The following ADORA2B variants were observed in gnomAD, a reference collection of about 807,000 sequenced individuals.
The protein encoded by ADORA2B is adenosine A2b receptor.
In ADORA2B, 18 loss-of-function variants were observed where a neutral mutation model predicts 20.8. That is an observed-to-expected ratio of 0.87 (90% confidence interval 0.60 to 1.29). ADORA2B has a LOEUF of 1.29. ADORA2B is among the 50% of genes most tolerant of loss of function. ADORA2B has a pLI of 0.00. For synonymous variants in ADORA2B, 179 were observed against 178.3 expected, an observed-to-expected ratio of 1.00 and a Z score of -0.03; for missense variants, 441 against 422.7, an observed-to-expected ratio of 1.04 and a Z score of -0.38.
At chr17:15,903,278 C>T in the ADORA2B span, among the ~76,000 whole-genome samples, 2 of 152,164 alleles carry the variant, frequency 1.3e-5, no homozygotes, top group Non-Finnish European at 2.9e-5. Flanking sequence ...AGGTTCAAAT[C>T]ATTGGATGGG....
At chr17:15,895,497 C>T in the ADORA2B span, among the ~76,000 whole-genome samples, 2 of 152,038 alleles carry the variant, frequency 1.3e-5, no homozygotes, top group African/African-American at 2.4e-5. Context: ...GAGCCGGGAT[C>T]GGAGAGCAGA....
the ADORA2B span, among the ~76,000 whole-genome samples, chr17:15,917,021 CTCT>C: frequency 6.6e-6 from 1 of 152,238 alleles, no homozygotes; most frequent in Admixed American, 6.5e-5. Flanking sequence ...TTGCTGTGAT[CTCT>C]TAATTGAAAA....
At chr17:15,855,980 C>G in the ADORA2B span, among the ~76,000 whole-genome samples, 4 of 152,160 alleles carry the variant, frequency 2.6e-5, no homozygotes, top group Non-Finnish European at 4.4e-5. Context: ...GCAGCCACCA[C>G]TCTACTCTCT....
chr17:15,950,511 G>A (rs894297510), intron 1 of ADORA2B, among the ~76,000 whole-genome samples: 1 of 152,118 alleles, frequency 6.6e-6, no homozygotes, highest in Non-Finnish European at 1.5e-5. Flanking sequence ...CTCCTGTCAG[G>A]TCACCCATGC....
At chr17:15,861,796 T>C in the ADORA2B span, among the ~76,000 whole-genome samples, 2 of 152,146 alleles carry the variant, frequency 1.3e-5, no homozygotes, top group African/African-American at 2.4e-5. Flanking sequence ...TTCAACTGTT[T>C]CCTCTCTCAT....
the ADORA2B span, among the ~76,000 whole-genome samples, chr17:15,938,248 A>G: frequency 3.3e-5 from 5 of 152,152 alleles, no homozygotes; most frequent in Non-Finnish European, 5.9e-5. Flanking sequence ...GGAAGGAAGG[A>G]AAAGAGATTT....
At chr17:15,942,056 C>T (rs1412922387), upstream of ADORA2B, among the ~76,000 whole-genome samples, 2 of 152,104 alleles carry the variant, frequency 1.3e-5, no homozygotes, top group Non-Finnish European at 2.9e-5. Flanking sequence ...GGACCTGAAA[C>T]TCAGTGGACT....
At chr17:15,919,131 G>A in the ADORA2B span, among the ~76,000 whole-genome samples, 8 of 152,152 alleles carry the variant, frequency 5.3e-5, no homozygotes, top group African/African-American at 1.4e-4. Context: ...TGACCTCCTC[G>A]TTGCCACCTC....
chr17:15,923,389 G>GTATA, the ADORA2B span, among the ~76,000 whole-genome samples: 9 of 125,964 alleles, frequency 7.1e-5, no homozygotes, highest in Non-Finnish European at 1.2e-4. Context: ...ATGTGTGTGT[G>GTATA]TATATATATA....
At chr17:15,873,257 A>G in the ADORA2B span, among the ~76,000 whole-genome samples, 2 of 152,228 alleles carry the variant, frequency 1.3e-5, no homozygotes, top group East Asian at 3.8e-4. Flanking sequence ...AGATGTATCA[A>G]AGACTTAAAT....
At chr17:15,884,219 G>T in the ADORA2B span, among the ~76,000 whole-genome samples, 5 of 152,044 alleles carry the variant, frequency 3.3e-5, no homozygotes, top group African/African-American at 1.2e-4. Flanking sequence ...ATAAAAGAGG[G>T]GAACTATGCA....
chr17:15,945,064 C>T (rs1969780556), upstream of ADORA2B: 1 of 396,994 alleles, frequency 2.5e-6, no homozygotes, highest in Non-Finnish European at 4.2e-6. Flanking sequence ...CAATGGGTGC[C>T]GCCTCTTGGC....
the ADORA2B span, among the ~76,000 whole-genome samples, chr17:15,870,853 C>G: frequency 6.6e-6 from 1 of 152,294 alleles, no homozygotes; most frequent in East Asian, 1.9e-4. Context: ...GGTCCTTTCC[C>G]TGACTTCGTT....
chr17:15,948,264 G>A (rs558661359), intron 1 of ADORA2B, among the ~76,000 whole-genome samples: 80 of 13,714 alleles, frequency 5.8e-3, no homozygotes, highest in African/African-American at 8.3e-3. Context: ...GAAGGGAGGG[G>A]AGCCGGAGGG....
chr17:15,954,600 T>C (rs1287021968), intron 1 of ADORA2B, among the ~76,000 whole-genome samples: 3 of 152,188 alleles, frequency 2.0e-5, no homozygotes, highest in African/African-American at 7.2e-5. Flanking sequence ...TGGGTTCTTA[T>C]ATGTCAAAAA....
chr17:15,870,341 T>G, the ADORA2B span, among the ~76,000 whole-genome samples: 1 of 151,118 alleles, frequency 6.6e-6, no homozygotes, highest in South Asian at 2.1e-4. Context: ...TCTCCTGTAG[T>G]TCAAATCCTA....
chr17:15,956,445 C>G (rs1969967133), intron 1 of ADORA2B, among the ~76,000 whole-genome samples: 1 of 152,126 alleles, frequency 6.6e-6, no homozygotes, highest in African/African-American at 2.4e-5. Context: ...ACTGGAGCCT[C>G]TCATCCTGGC....
At chr17:15,872,889 CTTTA>C in the ADORA2B span, among the ~76,000 whole-genome samples, 2 of 152,216 alleles carry the variant, frequency 1.3e-5, no homozygotes, top group African/African-American at 4.8e-5. Context: ...TCCGGATACC[CTTTA>C]TTTATTTCTC....
the ADORA2B span, among the ~76,000 whole-genome samples, chr17:15,895,418 A>G: frequency 4.6e-5 from 7 of 152,180 alleles, no homozygotes; most frequent in Non-Finnish European, 8.8e-5. Flanking sequence ...TATTTAAATC[A>G]TGTGGAGTCT....
Sources: gnomAD v4.1 joint callset for allele counts (sites outside exome capture counted in the v4.1 genomes callset) on GRCh38, gnomAD v4.1.1 for gene constraint, MANE v1.5 for transcripts, NCBI Gene and HGNC (gene_info 2026-07-23, HGNC 2026-07-21) for gene names.